DCX: variants seen among roughly 807,000 people sequenced by gnomAD.
DCX encodes neuronal migration protein doublecortin.
In DCX, 4 loss-of-function variants were observed where a neutral mutation model predicts 20.9. That is an observed-to-expected ratio of 0.19 (90% CI 0.09 to 0.44). The LOEUF is 0.44. Ranked by LOEUF, DCX falls within the 20% of genes least tolerant of loss-of-function variation. DCX has a pLI of 0.99. For synonymous variants in DCX, 103 were observed against 111.4 expected, an observed-to-expected ratio of 0.92 and a Z score of 0.47; for missense variants, 133 against 296.9, an observed-to-expected ratio of 0.45 and a Z score of 4.06.
chrX:111,321,790 C>T (rs1444850988), intron 5 of DCX, among the ~76,000 whole-genome samples: 1 of 111,888 alleles, frequency 8.9e-6, no homozygotes, highest in Non-Finnish European at 1.9e-5. Context: ...CCAGGTGTAG[C>T]AATTATAGAG....
At chrX:111,352,469 C>A (rs1376919733) in intron 3 of DCX, among the ~76,000 whole-genome samples, 2 of 111,922 alleles carry the variant, frequency 1.8e-5, no homozygotes, top group African/African-American at 6.5e-5. Context: ...TTGTTCATTG[C>A]TATTTAGTTT....
At chrX:111,328,839 C>A (rs763616236) in intron 5 of DCX, among the ~76,000 whole-genome samples, 8 of 110,857 alleles carry the variant, frequency 7.2e-5, no homozygotes, top group Non-Finnish European at 1.3e-4. Context: ...ATGACTGCAG[C>A]CCCTACTAAT....
intron 5 of DCX, among the ~76,000 whole-genome samples, chrX:111,319,972 ATTAATC>A (rs761582893): frequency 2.7e-5 from 3 of 112,449 alleles, no homozygotes; most frequent in Non-Finnish European, 3.7e-5. Flanking sequence ...AAAATTAAGA[ATTAATC>A]TTAAGCTGTC....
intron 5 of DCX, among the ~76,000 whole-genome samples, chrX:111,324,415 AT>A (rs1216270033): frequency 3.6e-5 from 4 of 111,785 alleles, no homozygotes; most frequent in Non-Finnish European, 7.5e-5. Flanking sequence ...TCTATTATGC[AT>A]TTTGCATTTA....
intron 3 of DCX, among the ~76,000 whole-genome samples, chrX:111,388,435 G>T (rs1411866186): frequency 2.7e-5 from 3 of 111,648 alleles, no homozygotes; most frequent in Admixed American, 1.9e-4. Context: ...TCCTTTTCAA[G>T]ATTCTCTAAT....
intron 3 of DCX, among the ~76,000 whole-genome samples, chrX:111,391,168 T>C (rs781042704): frequency 9.0e-6 from 1 of 110,675 alleles, no homozygotes; most frequent in Non-Finnish European, 1.9e-5. Flanking sequence ...TGGGGACAGA[T>C]TTTTCCCATG....
At chrX:111,348,310 A>G (rs1441207978) in intron 3 of DCX, among the ~76,000 whole-genome samples, 2 of 112,132 alleles carry the variant, frequency 1.8e-5, no homozygotes, top group Non-Finnish European at 3.8e-5. Context: ...CAGAGGGGAG[A>G]TGTGAAGGAA....
At chrX:111,331,213 G>A (rs1921207228) in intron 4 of DCX, among the ~76,000 whole-genome samples, 172 bp from the exon 5 acceptor site, 1 of 111,534 alleles carries the variant, frequency 9.0e-6, no homozygotes, top group Admixed American at 9.5e-5. Flanking sequence ...AGGCATTAGG[G>A]AAACCTTCAA....
intron 3 of DCX, among the ~76,000 whole-genome samples, chrX:111,397,757 ATG>A (rs1195067945): frequency 2.7e-5 from 3 of 109,281 alleles, no homozygotes; most frequent in African/African-American, 9.9e-5. Context: ...CACTCTGTGC[ATG>A]TGTGTGTGTG....
At chrX:111,404,799 G>A (rs1046267745) in intron 2 of DCX, among the ~76,000 whole-genome samples, 4 of 112,647 alleles carry the variant, frequency 3.6e-5, no homozygotes, top group African/African-American at 1.3e-4. Flanking sequence ...GCTCTTCTTT[G>A]CTAGACTAAG....
rs751341480 is a variant in DCX, at chrX:111,312,263, A to T, written c.1044+376T>A. Among the ~76,000 whole-genome samples the T allele has an allele frequency of 2.8e-3, 316 of 111,597 alleles. 2 individuals are homozygous for T. Among genetic ancestry groups the T allele is most frequent in the African/African-American group, 9.5e-3 (292 of 30,734 alleles). On this transcript the variant is annotated intron_variant, in intron 6 of 6. Coordinates refer to ENST00000636035, the MANE Select transcript of DCX (RefSeq NM_001195553.2). The stretch of plus-strand genomic sequence containing the variant: ...ACTTTTTGGGACTGCTATCTTTGTT[A>T]TTTCCACTGACTGGTGCCTGGTGAC...
intron 3 of DCX, among the ~76,000 whole-genome samples, chrX:111,337,693 G>A (rs774729076): frequency 8.9e-6 from 1 of 112,110 alleles, no homozygotes; most frequent in African/African-American, 3.2e-5. Flanking sequence ...AGAAATAAAT[G>A]TTTTCTCGAG....
chrX:111,397,416 G>A (rs1021516010), intron 3 of DCX, among the ~76,000 whole-genome samples: 1 of 111,559 alleles, frequency 9.0e-6, no homozygotes, highest in African/African-American at 3.3e-5. Context: ...TGTGACTTCA[G>A]CCTCCACAAA....
At chrX:111,340,638 C>T (rs780162666) in intron 3 of DCX, among the ~76,000 whole-genome samples, 3 of 111,282 alleles carry the variant, frequency 2.7e-5, no homozygotes, top group African/African-American at 9.8e-5. Flanking sequence ...AGGTTTGTGC[C>T]CCTCGAGGTC....
chrX:111,326,194 C>T (rs1040118787), intron 5 of DCX, among the ~76,000 whole-genome samples: 8 of 111,517 alleles, frequency 7.2e-5, no homozygotes, highest in African/African-American at 2.6e-4. Flanking sequence ...ATTGCTACAA[C>T]AATGACTTAC....
At chrX:111,314,285 T>C (rs114236941) in intron 5 of DCX, among the ~76,000 whole-genome samples, 3,464 of 112,043 alleles carry the variant, frequency 0.031, 82 homozygotes, top group African/African-American at 0.092. Flanking sequence ...GCTCTACCTA[T>C]GAGCCAAACA....
chrX:111,362,879 G>A (rs1327615564), intron 3 of DCX, among the ~76,000 whole-genome samples: 1 of 111,733 alleles, frequency 8.9e-6, no homozygotes, highest in Non-Finnish European at 1.9e-5. Context: ...TAGCACTTAT[G>A]TGATAGATAC....
intron 3 of DCX, among the ~76,000 whole-genome samples, chrX:111,364,153 G>A (rs1047735248): frequency 8.9e-6 from 1 of 112,006 alleles, no homozygotes; most frequent in Non-Finnish European, 1.9e-5. Flanking sequence ...ATTTTGGACT[G>A]GGTGGGACTC....
chrX:111,402,170 G>T (rs1927843573), intron 2 of DCX, among the ~76,000 whole-genome samples: 1 of 112,085 alleles, frequency 8.9e-6, no homozygotes, highest in African/African-American at 3.2e-5. Context: ...GCTGCCACAA[G>T]TAATGAGGTA....
Sources: allele counts gnomAD v4.1 joint callset (sites outside exome capture counted in the v4.1 genomes callset), GRCh38; gene constraint gnomAD v4.1.1; transcripts MANE v1.5; gene names NCBI Gene and HGNC (gene_info 2026-07-23, HGNC 2026-07-21).